The following ADAMTS13 variants were observed in gnomAD, a reference collection of about 807,000 sequenced individuals.
The protein encoded by ADAMTS13 is ADAM metallopeptidase with thrombospondin type 1 motif 13.
In ADAMTS13, 110 loss-of-function variants were observed where a neutral mutation model predicts 155.1. That is an observed-to-expected ratio of 0.71 (90% CI 0.61 to 0.83). The LOEUF (loss-of-function observed/expected upper bound fraction) is 0.83. Ranked by LOEUF, ADAMTS13 falls within the 40% of genes least tolerant of loss-of-function variation. The pLI is 0.00. For synonymous variants in ADAMTS13, 758 were observed against 756.4 expected (o/e 1.00, Z -0.03); for missense variants, 1,707 against 1,891.7 (o/e 0.90, Z 1.81).
Position 133,441,835 on chromosome 9 carries a change from T to C in ADAMTS13, c.1969-564T>C, listed in dbSNP as rs989195144. Among the ~76,000 whole-genome samples, 1 of 152,246 alleles carries C rather than the reference T, an allele frequency of 6.6e-6. No individual in the cohort carries two copies. The highest frequency in any genetic ancestry group is 1.5e-5 in the Non-Finnish European group (1 of 68,040). On this transcript the variant is annotated intron_variant, in intron 16 of 28. Transcript: ENST00000355699. The surrounding 1 kb of genome is among the most constrained non-coding windows in gnomAD (Gnocchi z 5.0). ...CTCAGCTCTGGCTCCAGAAGCACTT[T>C]CTGTGCTGGCCCTGCCCTAGCCCTT...
intron 1 of ADAMTS13, chr9:133,415,063 A>G (rs782170687): frequency 8.0e-6 from 12 of 1,490,826 alleles, no homozygotes; most frequent in Non-Finnish European, 9.0e-6. Context: ...AATTACACAC[A>G]GCAGATTGAA....
upstream of ADAMTS13, among the ~76,000 whole-genome samples, chr9:133,421,761 G>A (rs34785487): frequency 0.055 from 8,336 of 152,270 alleles, 330 homozygotes; most frequent in Non-Finnish European, 0.087. Context: ...TGATCGCAGA[G>A]GAGGAGAGAG....
chr9:133,453,353 G>A (rs758958841), intron 23 of ADAMTS13, among the ~76,000 whole-genome samples: 2 of 151,940 alleles, frequency 1.3e-5, no homozygotes, highest in Non-Finnish European at 2.9e-5. Context: ...GGAGAATGAC[G>A]TGAACCCAGG....
At position 133,441,152 on chromosome 9, in the gene ADAMTS13, G is replaced by A. The variant is rs1053256522; in HGVS notation, c.1968+627G>A. ...ATTGGTGCTTCGCTGAGGAAGGCAC[G>A]TGGAGGGTGGAGAGACATAAGCGCA... On this transcript the variant is annotated intron_variant, in intron 16 of 28. Coordinates refer to ENST00000355699, the MANE Select transcript of ADAMTS13 (RefSeq NM_139027.6). The surrounding 1 kb of genome is among the most constrained non-coding windows in gnomAD (Gnocchi z 5.0). Among the ~76,000 whole-genome samples, 4 of 152,172 alleles carry A rather than the reference G, an allele frequency of 2.6e-5. No individual in the cohort carries two copies. The South Asian group carries it at 6.2e-4, about 24-fold the overall frequency.
At position 133,425,897 on chromosome 9, in the gene ADAMTS13, G is replaced by A; in HGVS notation, c.415-41G>A. On this transcript the variant is annotated intron_variant, in intron 4 of 28. Coordinates refer to ENST00000355699, the MANE Select transcript of ADAMTS13 (RefSeq NM_139027.6). The surrounding 1 kb of genome is among the most constrained non-coding windows in gnomAD (Gnocchi z 4.6). ...CCGACCGCAGTCAGCACCGTGCCTG[G>A]TTGGGGTGTCCTAAATGCAGGCTTT... 1 of 1,611,938 alleles carries A rather than the reference G, an allele frequency of 6.2e-7. No homozygotes were observed. Among genetic ancestry groups the A allele is most frequent in the Non-Finnish European group, 8.5e-7 (1 of 1,179,912 alleles).
intron 11 of ADAMTS13, among the ~76,000 whole-genome samples, chr9:133,436,172 C>T (rs60957061): frequency 8.6e-4 from 130 of 151,580 alleles, no homozygotes; most frequent in African/African-American, 3.1e-3. Context: ...TAGAAAGATT[C>T]TTTTTACATT....
upstream of ADAMTS13, among the ~76,000 whole-genome samples, chr9:133,421,376 T>A (rs1472516702): frequency 5.9e-5 from 9 of 152,234 alleles, no homozygotes; most frequent in South Asian, 4.1e-4. Context: ...ACAGCCTCCT[T>A]ACCTTCCTGC....
rs1554797297 is a variant in ADAMTS13 at position 133,459,340 on chromosome 9, G to A, written c.*160G>A. ...GGTTGGAGGTGGGGACTCTGGAAAA[G>A]CAGCCCCCATTTCCTCGGGTACCAA... On this transcript the variant is annotated 3_prime_UTR_variant, in exon 29 of 29. Transcript: ENST00000355699. 6 of 782,114 alleles carry A rather than the reference G, an allele frequency of 7.7e-6. No individual in the cohort carries two copies. Among genetic ancestry groups the A allele is most frequent in the South Asian group, 5.9e-5 (4 of 68,246 alleles). 48.4% of individuals were successfully genotyped at this position (782,114 alleles called of 1,614,324 possible). A position where few individuals can be genotyped will look rare whatever the true frequency, so the allele number is the denominator to read the frequency against.
intron 23 of ADAMTS13, 60 bp from the exon 24 acceptor site, chr9:133,454,355 G>A (rs781869883): frequency 1.2e-5 from 19 of 1,590,370 alleles, no homozygotes; most frequent in East Asian, 6.7e-5. Context: ...AGGGGCCTGC[G>A]TGGGGCAGTA....
In ADAMTS13 at chr9:133,433,703, A is replaced by G; in HGVS notation, c.1307A>G (p.Gln436Arg). 1 of 1,613,260 alleles carries G rather than the reference A, an allele frequency of 6.2e-7. No homozygotes were observed. Among genetic ancestry groups the G allele is most frequent in the Non-Finnish European group, 8.5e-7 (1 of 1,179,964 alleles). Residue 436 changes from glutamine to arginine, a missense_variant and splice_region_variant, in exon 11 of 29, where the codon CAG (glutamine) becomes CGG (arginine). Coordinates refer to ENST00000355699, the MANE Select transcript of ADAMTS13 (RefSeq NM_139027.6). ...CTCCAGGCCGAGATGTGCAACACTC[A>G]GGTAGGCCTGCTTCCTGGGGTAGGA... ...ADLQAEMCNT[Q>R]ACEKTQLEFM...
intron 28 of ADAMTS13, 22 bp downstream of exon 28, chr9:133,458,116 TG>T (rs782770834): frequency 3.4e-5 from 54 of 1,611,346 alleles, no homozygotes; most frequent in Non-Finnish European, 4.5e-5. Flanking sequence ...CATGGGGACT[TG>T]TGCTGTGATT....
Position 133,433,634 on chromosome 9 carries a change from T to A in ADAMTS13, c.1245-7T>A. The A allele has an allele frequency of 6.2e-7, 1 of 1,613,846 alleles. No homozygotes were observed. The highest frequency in any genetic ancestry group is 1.3e-5 in the African/African-American group (1 of 74,992). ...CTCTCACCCTCCTGTCTGCTGGGCA[T>A]TTTCAGACCTGCCTTTGGGGGGCGT... On this transcript the variant is annotated splice_region_variant and splice_polypyrimidine_tract_variant and intron_variant, in intron 10 of 28. Transcript: ENST00000355699.
At chr9:133,437,987 A>G in intron 13 of ADAMTS13, 90 bp downstream of exon 13, 1 of 1,596,614 alleles carries the variant, frequency 6.3e-7, no homozygotes, top group Non-Finnish European at 8.5e-7. Context: ...GCTGGCCCTG[A>G]TGGAGCTGCA....
At chr9:133,427,738 T>C (rs587712273) in intron 6 of ADAMTS13, among the ~76,000 whole-genome samples, 1 of 152,302 alleles carries the variant, frequency 6.6e-6, no homozygotes, top group African/African-American at 2.4e-5. Flanking sequence ...ATAGCCCCTT[T>C]TGAAGCCAGG....
At chr9:133,429,800 C>T (rs782006644) in intron 7 of ADAMTS13, 139 bp from the exon 8 acceptor site, 20 of 1,169,906 alleles carry the variant, frequency 1.7e-5, no homozygotes, top group South Asian at 2.6e-5. Flanking sequence ...TGGTGGGGGG[C>T]GCGGGCCGAG....
rs782083828 is a variant in ADAMTS13 at position 133,436,816 on chromosome 9, T to G, written c.1309-13T>G. On this transcript the variant is annotated splice_polypyrimidine_tract_variant and intron_variant, in intron 11 of 28. Transcript: ENST00000355699. ...CCCACCGCCATCCCCCTCCTCTGCC[T>G]CCTCCTGGCCAGGCCTGCGAGAAGA... The G allele has an allele frequency of 1.8e-6, 2 of 1,122,596 alleles. No homozygotes were observed. Among genetic ancestry groups the G allele is most frequent in the South Asian group, 3.0e-5 (2 of 67,432 alleles). The allele number at this position is 1,122,596 out of a possible 1,614,324, so 69.5% of individuals were successfully genotyped here.
In ADAMTS13 at chr9:133,436,913, G is replaced by A. The variant is rs1554789224; in HGVS notation, c.1393G>A (p.Ala465Thr). 8 of 1,590,056 alleles carry A rather than the reference G, an allele frequency of 5.0e-6. No homozygotes were observed. Among genetic ancestry groups the A allele is most frequent in the East Asian group, 4.5e-5 (2 of 44,080 alleles). The stretch of plus-strand genomic sequence containing the variant: ...GCCGCTGCGCTCCTCCCCTGGCGGC[G>A]CCTCCTTCTACCACTGGGGTGCTGC... ...GQPLRSSPGG[A>T]SFYHWGAAVP... The change falls in exon 12 of 29, where the codon GCC (alanine) becomes ACC (threonine). Residue 465 changes from alanine (A) to threonine (T), a missense_variant. Physicochemically the swap from Ala to Thr is moderately conservative, Grantham distance 58. Coordinates refer to ENST00000355699, the MANE Select transcript of ADAMTS13 (RefSeq NM_139027.6).
chr9:133,422,826 C>G (rs1387862251), intron 1 of ADAMTS13, among the ~76,000 whole-genome samples: 1 of 151,980 alleles, frequency 6.6e-6, no homozygotes, highest in Non-Finnish European at 1.5e-5. Flanking sequence ...CCCTTCCTCT[C>G]CCTGTCTCTG....
chr9:133,426,746 A>G (rs938523421), intron 6 of ADAMTS13, among the ~76,000 whole-genome samples: 5 of 152,132 alleles, frequency 3.3e-5, no homozygotes, highest in Admixed American at 3.3e-4. Context: ...CCTGAAAAAA[A>G]GGAAAATTGT....
Sources: allele counts gnomAD v4.1 joint callset (sites outside exome capture counted in the v4.1 genomes callset), GRCh38; gene constraint gnomAD v4.1.1; non-coding constraint Gnocchi (gnomAD v3.1); transcripts MANE v1.5; gene names NCBI Gene and HGNC (gene_info 2026-07-23, HGNC 2026-07-21).